The following SLC15A2 variants were observed in gnomAD, a reference collection of about 807,000 sequenced individuals.
The protein encoded by SLC15A2 is kidney H(+)/peptide cotransporter.
A neutral mutation model predicts 95.5 loss-of-function variants in SLC15A2; 77 were observed. The observed-to-expected ratio is 0.81, with a 90% CI of 0.67 to 0.97. The LOEUF is 0.97. SLC15A2 is among the 50% of genes least tolerant of loss of function. The pLI, the probability that SLC15A2 is intolerant of heterozygous loss-of-function variation, is 0.00. For missense variants in SLC15A2, 893 were observed against 874.4 expected (o/e 1.02, Z -0.27); for synonymous variants, 306 against 306.9 (o/e 1.00, Z 0.03).
chr3:121,927,917 G>A lies in SLC15A2; in HGVS notation c.1206+78G>A, dbSNP rs909571183. On this transcript the variant is annotated intron_variant, in intron 14 of 21. Coordinates refer to ENST00000489711, the MANE Select transcript of SLC15A2 (RefSeq NM_021082.4). ...TTGCTCTTTTGACTTGTTCAGTCAT[G>A]ATTCCCTGGGACCTAGCACAGTACC... 11 of 1,031,838 alleles carry A rather than the reference G, an allele frequency of 1.1e-5. No individual in the cohort carries two copies. In the Admixed American group the frequency reaches 1.6e-4, roughly 15 times the overall value. The allele number at this position is 1,031,838 out of a possible 1,614,324, so 63.9% of individuals were successfully genotyped here. A position where few individuals can be genotyped will look rare whatever the true frequency, so the allele number is the denominator to read the frequency against.
At chr3:121,900,927 T>C (rs4305455) in intron 3 of SLC15A2, among the ~76,000 whole-genome samples, 33,245 of 150,306 alleles carry the variant, frequency 0.22, 4,351 homozygotes, top group Admixed American at 0.37. Context: ...GAGGACAAAG[T>C]CATTTATATA....
chr3:121,939,847 C>CT (rs1263966987), intron 20 of SLC15A2, among the ~76,000 whole-genome samples: 1 of 152,010 alleles, frequency 6.6e-6, no homozygotes, highest in Admixed American at 6.5e-5. Context: ...GGCGCGATCT[C>CT]AGCTCACTGC....
chr3:121,915,623 G>C lies in SLC15A2; in HGVS notation c.627G>C (p.Val209=), dbSNP rs145579569. The change falls in exon 7 of 22, where the codon GTG becomes GTC. Residue 209 remains valine (V), a synonymous_variant. Coordinates refer to ENST00000489711, the MANE Select transcript of SLC15A2 (RefSeq NM_021082.4). ...TFITPMLRGD[V]QCFGEDCYAL... ...CCATCCCATTTTCTTTAGGAGATGT[G>C]CAATGTTTTGGAGAAGACTGCTATG... The C allele has an allele frequency of 6.2e-7, 1 of 1,612,958 alleles. No homozygotes were observed. Among genetic ancestry groups the C allele is most frequent in the African/African-American group, 1.3e-5 (1 of 74,884 alleles).
chr3:121,915,653 G>T lies in SLC15A2; in HGVS notation c.657G>T (p.Leu219Phe), dbSNP rs1263566740. The T allele has an allele frequency of 6.2e-7, 1 of 1,613,898 alleles. No individual in the cohort carries two copies. The highest frequency in any genetic ancestry group is 8.5e-7 in the Non-Finnish European group (1 of 1,179,942). ...VQCFGEDCYA[L>F]AFGVPGLLMV... is the part of the protein sequence containing the mutation. The stretch of plus-strand genomic sequence containing the variant: ...GTTTTGGAGAAGACTGCTATGCATT[G>T]GCTTTTGGAGTTCCAGGACTGCTCA... The change falls in exon 7 of 22, where the codon TTG (leucine) becomes TTT (phenylalanine). Residue 219 changes from leucine (L) to phenylalanine (F), a missense_variant. Coordinates refer to ENST00000489711, the MANE Select transcript of SLC15A2 (RefSeq NM_021082.4).
At chr3:121,904,731 T>C (rs1709596697) in intron 3 of SLC15A2, among the ~76,000 whole-genome samples, 1 of 152,238 alleles carries the variant, frequency 6.6e-6, no homozygotes, top group Non-Finnish European at 1.5e-5. Context: ...ACCTTTCTGA[T>C]GTGCTGCTGG....
At position 121,894,714 on chromosome 3, in the gene SLC15A2, C is replaced by T. The variant is rs1709386507; in HGVS notation, c.105+133C>T. ...GCTTCTCTCTTGGATTTAGAATTCACCTGAAACCAAATCTAAACAGAAGCT... is the reference window on the plus strand; with the variant it reads ...GCTTCTCTCTTGGATTTAGAATTCATCTGAAACCAAATCTAAACAGAAGCT... On this transcript the variant is annotated intron_variant, in intron 1 of 21. Transcript: ENST00000489711. 10 of 566,142 alleles carry T rather than the reference C, an allele frequency of 1.8e-5. No individual in the cohort carries two copies. The East Asian group carries it at 2.4e-4, about 14-fold the overall frequency. The allele number at this position is 566,142 out of a possible 1,614,324, so 35.1% of individuals were successfully genotyped here.
At position 121,941,335 on chromosome 3, in the gene SLC15A2, A is replaced by G. The variant is rs972117428; in HGVS notation, c.*328A>G. On this transcript the variant is annotated 3_prime_UTR_variant, in exon 22 of 22. Coordinates refer to ENST00000489711, the MANE Select transcript of SLC15A2 (RefSeq NM_021082.4). Reference sequence around the variant, plus strand: ...TGCAAAGTTATGGGAATTCCTTTATAGGTAACTGCCATTTAGGACTGATGG... The same window carrying G: ...TGCAAAGTTATGGGAATTCCTTTATGGGTAACTGCCATTTAGGACTGATGG... 23 of 191,082 alleles carry G rather than the reference A, an allele frequency of 1.2e-4. No homozygotes were observed. The highest frequency in any genetic ancestry group is 7.4e-5 in the Non-Finnish European group (7 of 94,138). The allele number at this position is 191,082 out of a possible 1,614,324, so 11.8% of individuals were successfully genotyped here. A position where few individuals can be genotyped will look rare whatever the true frequency, so the allele number is the denominator to read the frequency against.
Position 121,897,400 on chromosome 3 carries a change from T to C in SLC15A2, c.206T>C (p.Leu69Pro). Residue 69 changes from leucine (L) to proline (P), a missense_variant, in exon 3 of 22, where the codon CTG becomes CCG. Coordinates refer to ENST00000489711, the MANE Select transcript of SLC15A2 (RefSeq NM_021082.4). The stretch of plus-strand genomic sequence containing the variant: ...TTTCCCACTACAGCTGTGCTGATCC[T>C]GTATTTCCTGTATTTCCTGCACTGG... ...SYYGMKAVLI[L>P]YFLYFLHWNE... The C allele has an allele frequency of 7.4e-6, 12 of 1,614,034 alleles. No individual in the cohort carries two copies. The highest frequency in any genetic ancestry group is 1.0e-5 in the Non-Finnish European group (12 of 1,179,940).
intron 15 of SLC15A2, among the ~76,000 whole-genome samples, 193 bp downstream of exon 15, chr3:121,928,748 C>T (rs1710171426): frequency 6.6e-6 from 1 of 152,004 alleles, no homozygotes; most frequent in Admixed American, 6.5e-5. Context: ...ATAGGTATTC[C>T]GTTTTTATTA....
intron 19 of SLC15A2, among the ~76,000 whole-genome samples, chr3:121,932,723 T>C (rs917661209): frequency 7.2e-5 from 11 of 152,232 alleles, no homozygotes; most frequent in African/African-American, 1.2e-4. Context: ...ATTTTACTAA[T>C]TAATTAATTT....
Position 121,928,427 on chromosome 3 carries a change from G to T in SLC15A2, c.1213G>T (p.Ala405Ser). The change falls in exon 15 of 22, where the codon GCC (alanine) becomes TCC (serine). Residue 405 changes from alanine (A) to serine (S), a missense_variant. By Grantham distance (99) the Ala-to-Ser change is moderately conservative (BLOSUM62 1). Transcript: ENST00000489711. Reference sequence around the variant, plus strand: ...ATGTGTTCTTTGCTCTAAGGAAATGGCCCCAGCCCAGCCAGGTCCCCAGGA... The same window carrying T: ...ATGTGTTCTTTGCTCTAAGGAAATGTCCCCAGCCCAGCCAGGTCCCCAGGA... ...AAVEIKINEM[A>S]PAQPGPQEVF... 1 of 1,613,594 alleles carries T rather than the reference G, an allele frequency of 6.2e-7. No individual in the cohort carries two copies. The highest frequency in any genetic ancestry group is 8.5e-7 in the Non-Finnish European group (1 of 1,179,726).
intron 3 of SLC15A2, among the ~76,000 whole-genome samples, chr3:121,900,008 T>C (rs1709492990): frequency 6.6e-6 from 1 of 152,190 alleles, no homozygotes; most frequent in African/African-American, 2.4e-5. Flanking sequence ...TTATATCTTT[T>C]CTTACTTATC....
intron 19 of SLC15A2, among the ~76,000 whole-genome samples, chr3:121,933,332 G>T (rs1187903227): frequency 6.6e-6 from 1 of 150,934 alleles, no homozygotes; most frequent in Non-Finnish European, 1.5e-5. Flanking sequence ...CTGAGGAATC[G>T]CCACACTGAC....
chr3:121,923,076 G>T lies in SLC15A2; in HGVS notation c.904G>T (p.Val302Leu). 3 of 1,614,010 alleles carry T rather than the reference G, an allele frequency of 1.9e-6. No homozygotes were observed. The highest frequency in any genetic ancestry group is 2.5e-6 in the Non-Finnish European group (3 of 1,179,914). ...LIMDVKALTR[V>L]LFLYIPLPMF... ...TATGGATGTAAAGGCACTGACCAGG[G>T]TACTATTCCTTTATATCCCATTGCC... The change falls in exon 10 of 22, where the codon GTA becomes TTA. Residue 302 changes from valine to leucine, a missense_variant. Val to Leu is a conservative substitution (Grantham distance 32). Coordinates refer to ENST00000489711, the MANE Select transcript of SLC15A2 (RefSeq NM_021082.4).
At chr3:121,928,214 A>C in intron 14 of SLC15A2, 1 of 594,226 alleles carries the variant, frequency 1.7e-6, no homozygotes, top group Non-Finnish European at 2.9e-6. Context: ...TCGAGTTTGT[A>C]AGCTGGCATT....
chr3:121,915,679 T>C lies in SLC15A2; in HGVS notation c.683T>C (p.Met228Thr). ...GCTTTTGGAGTTCCAGGACTGCTCATGGTAATTGCACTTGGTAAGTGCAGT... is the reference window on the plus strand; with the variant it reads ...GCTTTTGGAGTTCCAGGACTGCTCACGGTAATTGCACTTGGTAAGTGCAGT... ...ALAFGVPGLL[M>T]VIALVVFAMG... Residue 228 changes from methionine to threonine, a missense_variant, in exon 7 of 22, where the codon ATG becomes ACG. Transcript: ENST00000489711. The C allele has an allele frequency of 6.2e-7, 1 of 1,613,390 alleles. No homozygotes were observed. The highest frequency in any genetic ancestry group is 8.5e-7 in the Non-Finnish European group (1 of 1,179,356).
At chr3:121,939,278 T>C (rs1306792134) in intron 19 of SLC15A2, 71 bp from the exon 20 acceptor site, 1 of 1,202,948 alleles carries the variant, frequency 8.3e-7, no homozygotes, top group East Asian at 2.8e-5. Context: ...TATAAGATCG[T>C]AGAATGCTGT....
intron 18 of SLC15A2, among the ~76,000 whole-genome samples, chr3:121,931,322 G>T (rs1037142315): frequency 6.6e-6 from 1 of 152,174 alleles, no homozygotes; most frequent in Non-Finnish European, 1.5e-5. Flanking sequence ...CACTGTTATA[G>T]CCTGTTCTAC....
intron 7 of SLC15A2, 55 bp downstream of exon 7, chr3:121,915,748 AGC>A: frequency 8.1e-7 from 1 of 1,231,350 alleles, no homozygotes; most frequent in Non-Finnish European, 1.2e-6. Context: ...ACACATGTAA[AGC>A]ATCATGTAGG....
Sources: allele counts gnomAD v4.1 joint callset (sites outside exome capture counted in the v4.1 genomes callset), GRCh38; gene constraint gnomAD v4.1.1; transcripts MANE v1.5; gene names NCBI Gene and HGNC (gene_info 2026-07-23, HGNC 2026-07-21).